DMD: variants seen among roughly 807,000 people sequenced by gnomAD.
The protein encoded by DMD is dystrophin.
Under a neutral mutation model 330.1 loss-of-function variants are expected in DMD, and 63 were observed. That is an observed-to-expected ratio of 0.19 (90% CI 0.16 to 0.24). The LOEUF (loss-of-function observed/expected upper bound fraction) is 0.24, where lower values mean the gene tolerates loss of function less well. Ranked by LOEUF, DMD falls within the 10% of genes least tolerant of loss-of-function variation. The probability of loss-of-function intolerance (pLI) is 1.00; values close to 1 mark genes in which losing one functional copy is unlikely to be tolerated. For missense variants in DMD, 3,344 were observed against 2,684.1 expected (o/e 1.25, Z -5.43); for synonymous variants, 1,223 against 959.8 (o/e 1.27, Z -5.07).
At chrX:33,078,597 T>C (rs779877483) in intron 1 of DMD, among the ~76,000 whole-genome samples, 4 of 111,991 alleles carry the variant, frequency 3.6e-5, no homozygotes, top group African/African-American at 1.3e-4. Context: ...TTGCCACATT[T>C]AGATGTTTTT....
intron 51 of DMD, among the ~76,000 whole-genome samples, chrX:31,755,981 C>T (rs1218279538): frequency 8.9e-6 from 1 of 111,735 alleles, no homozygotes; most frequent in Non-Finnish European, 1.9e-5. Flanking sequence ...ATGAGTTATG[C>T]ATGTGCAAGA....
At chrX:32,072,710 T>C (rs890363858) in intron 44 of DMD, among the ~76,000 whole-genome samples, 2 of 111,996 alleles carry the variant, frequency 1.8e-5, no homozygotes, top group African/African-American at 6.5e-5. Context: ...TTCTAGTAAT[T>C]CCTTAATAGA....
intron 60 of DMD, among the ~76,000 whole-genome samples, chrX:31,408,896 T>C: frequency 9.0e-6 from 1 of 111,693 alleles, no homozygotes; most frequent in Admixed American, 9.5e-5. Flanking sequence ...TAACTCATCA[T>C]TTAGCGTTAC....
intron 34 of DMD, among the ~76,000 whole-genome samples, chrX:32,376,867 A>T (rs111722852): frequency 1.1e-3 from 119 of 111,382 alleles, no homozygotes; most frequent in African/African-American, 3.7e-3. Flanking sequence ...CATTTTTCTC[A>T]GCTTCGTAAT....
chrX:33,005,286 A>C (rs756966188), intron 2 of DMD, among the ~76,000 whole-genome samples: 1 of 82,764 alleles, frequency 1.2e-5, no homozygotes, highest in East Asian at 4.2e-4. Context: ...ACACACACAC[A>C]CACACACACG....
chrX:32,492,980 T>C (rs1417860893), intron 19 of DMD, among the ~76,000 whole-genome samples: 1 of 111,618 alleles, frequency 9.0e-6, no homozygotes, highest in Non-Finnish European at 1.9e-5. Context: ...TAATCTACTT[T>C]TATAAATGTT....
chrX:33,140,091 G>A (rs949789469), intron 1 of DMD, among the ~76,000 whole-genome samples: 1 of 111,383 alleles, frequency 9.0e-6, no homozygotes, highest in Non-Finnish European at 1.9e-5. Flanking sequence ...GCTATAAATT[G>A]AAAGTATCAT....
chrX:31,861,530 A>G, intron 48 of DMD, among the ~76,000 whole-genome samples: 1 of 106,231 alleles, frequency 9.4e-6, no homozygotes, highest in Middle Eastern at 4.8e-3. Context: ...CACTAATTGG[A>G]GTGCTGCTTA....
At chrX:33,185,779 C>A (rs2050230820) in intron 1 of DMD, among the ~76,000 whole-genome samples, 1 of 111,735 alleles carries the variant, frequency 8.9e-6, no homozygotes, top group East Asian at 2.8e-4. Context: ...CAGTTCCTCA[C>A]GGTGATTAGC....
intron 44 of DMD, among the ~76,000 whole-genome samples, chrX:32,207,033 A>G (rs1461477278): frequency 8.9e-6 from 1 of 111,965 alleles, no homozygotes; most frequent in African/African-American, 3.2e-5. Flanking sequence ...CATGTAAAAT[A>G]AAAGTATTTT....
chrX:33,163,849 T>C (rs2148672745), intron 1 of DMD, among the ~76,000 whole-genome samples: 1 of 110,314 alleles, frequency 9.1e-6, no homozygotes, highest in East Asian at 2.9e-4. Flanking sequence ...AGAAAGTTGT[T>C]GTCGACTCCT....
chrX:32,061,351 C>T (rs1295532597), intron 44 of DMD, among the ~76,000 whole-genome samples: 1 of 111,147 alleles, frequency 9.0e-6, no homozygotes, highest in Admixed American at 9.6e-5. Context: ...ACACTGGGCT[C>T]GTATTCCTCA....
intron 52 of DMD, among the ~76,000 whole-genome samples, chrX:31,691,878 T>C (rs1275009843): frequency 9.0e-6 from 1 of 110,872 alleles, no homozygotes; most frequent in African/African-American, 3.3e-5. Context: ...GACAGAAAAA[T>C]TCATAAGAAA....
chrX:32,565,472 G>A (rs1268076808), intron 16 of DMD, among the ~76,000 whole-genome samples: 1 of 111,251 alleles, frequency 9.0e-6, no homozygotes, highest in African/African-American at 3.3e-5. Context: ...CGTTACTATT[G>A]GGCTGGAAGA....
intron 60 of DMD, among the ~76,000 whole-genome samples, chrX:31,403,620 T>A (rs1264030753): frequency 9.0e-6 from 1 of 111,519 alleles, no homozygotes; most frequent in African/African-American, 3.2e-5. Context: ...AATATACACA[T>A]CAAATACACT....
intron 12 of DMD, among the ~76,000 whole-genome samples, chrX:32,613,400 T>G (rs1250736814): frequency 1.8e-5 from 2 of 110,281 alleles, no homozygotes; most frequent in African/African-American, 3.3e-5. Context: ...CTCATAATTT[T>G]GGATAAGAAA....
At chrX:33,227,481 C>T (rs1371020361) in intron 1 of DMD, among the ~76,000 whole-genome samples, 1 of 110,949 alleles carries the variant, frequency 9.0e-6, no homozygotes, top group African/African-American at 3.3e-5. Flanking sequence ...GAAGATCCAA[C>T]GATTGCGGTG....
intron 50 of DMD, among the ~76,000 whole-genome samples, chrX:31,807,606 C>T (rs921674700): frequency 9.0e-6 from 1 of 111,724 alleles, no homozygotes; most frequent in Admixed American, 9.5e-5. Context: ...AAACCACTTC[C>T]GTAACTCTGA....
chrX:31,188,360 A>T (rs915059607), intron 67 of DMD, among the ~76,000 whole-genome samples: 1 of 112,358 alleles, frequency 8.9e-6, no homozygotes, highest in African/African-American at 3.2e-5. Flanking sequence ...CCAGAAAAAA[A>T]TATATAGGGA....
Sources: allele counts gnomAD v4.1 joint callset (sites outside exome capture counted in the v4.1 genomes callset), GRCh38; gene constraint gnomAD v4.1.1; transcripts MANE v1.5; gene names NCBI Gene and HGNC (gene_info 2026-07-23, HGNC 2026-07-21).